RBMS3: variants seen among roughly 807,000 people sequenced by gnomAD.
RBMS3 encodes RNA-binding motif, single-stranded-interacting protein 3.
In RBMS3, 27 loss-of-function variants were observed where a neutral mutation model predicts 66.8. The ratio of observed to expected loss-of-function variants is 0.40; its 90% confidence interval spans 0.30 to 0.56. The LOEUF (loss-of-function observed/expected upper bound fraction) is 0.56, where lower values mean the gene tolerates loss of function less well. RBMS3 is among the 20% of genes least tolerant of loss of function. RBMS3 has a pLI of 0.40. For synonymous variants in RBMS3, 188 were observed against 183.0 expected, an observed-to-expected ratio of 1.03 and a Z score of -0.22; for missense variants, 513 against 549.5, an observed-to-expected ratio of 0.93 and a Z score of 0.66.
chr3:29,748,288 T>C (rs1371838), intron 5 of RBMS3, among the ~76,000 whole-genome samples: 72,184 of 151,966 alleles, frequency 0.48, 18,306 homozygotes, highest in African/African-American at 0.65. Context: ...TGTGAAACAT[T>C]GAGTAAGGGA....
intron 5 of RBMS3, among the ~76,000 whole-genome samples, chr3:29,749,497 C>A (rs1458264079): frequency 1.3e-5 from 2 of 152,136 alleles, no homozygotes; most frequent in African/African-American, 4.8e-5. Flanking sequence ...AGAACTTTTT[C>A]ATAAGGAATC....
At chr3:29,489,079 T>C (rs1440312886) in intron 3 of RBMS3, among the ~76,000 whole-genome samples, 1 of 152,198 alleles carries the variant, frequency 6.6e-6, no homozygotes, top group Non-Finnish European at 1.5e-5. Flanking sequence ...CCTATATTCT[T>C]TTAAAATTTG....
At chr3:29,735,021 T>A (rs1164126311) in intron 4 of RBMS3, among the ~76,000 whole-genome samples, 1 of 152,160 alleles carries the variant, frequency 6.6e-6, no homozygotes, top group African/African-American at 2.4e-5. Flanking sequence ...CAAATGTGAA[T>A]GTTAGCAGAT....
rs368382303 is a variant in RBMS3 at position 29,828,977 on chromosome 3, ACTTTCTTTCTTTCTTTCTTTCTTT to A, written c.638-39832_638-39809del. ...GCATCCAGCCTGCTGTTAGCGAGTG[ACTTTCTTTCTTTCTTTCTTTCTTT>A]CTTTCTTTCTTTCTTTCTTTCTTTC... On this transcript the variant is annotated intron_variant, in intron 6 of 14. Transcript: ENST00000383767. Among the ~76,000 whole-genome samples, 192 of 98,698 alleles carry A rather than the reference ACTTTCTTTCTTTCTTTCTTTCTTT, an allele frequency of 1.9e-3. 1 individual carries two copies. Among genetic ancestry groups the A allele is most frequent in the African/African-American group, 5.2e-3 (133 of 25,540 alleles). The allele number at this position is 98,698 out of a possible 152,430, so 64.7% of individuals were successfully genotyped here. A position where few individuals can be genotyped will look rare whatever the true frequency, so the allele number is the denominator to read the frequency against.
At chr3:29,946,667 T>C (rs529138332) in intron 12 of RBMS3, among the ~76,000 whole-genome samples, 1 of 151,726 alleles carries the variant, frequency 6.6e-6, no homozygotes, top group South Asian at 2.1e-4. Flanking sequence ...ACAAATACTG[T>C]TTGGTTTTCT....
intron 14 of RBMS3, among the ~76,000 whole-genome samples, chr3:29,992,277 T>C (rs1698930245): frequency 6.6e-6 from 1 of 151,926 alleles, no homozygotes; most frequent in Admixed American, 6.5e-5. Context: ...GTAATTGCGG[T>C]TTTTGCCATT....
chr3:29,520,373 G>T lies in RBMS3; in HGVS notation c.307+31874G>T, dbSNP rs1013317159. Among the ~76,000 whole-genome samples, 5 of 152,156 alleles carry T rather than the reference G, an allele frequency of 3.3e-5. No individual in the cohort carries two copies. The East Asian group carries it at 9.6e-4, about 29-fold the overall frequency. On this transcript the variant is annotated intron_variant, in intron 3 of 14. Coordinates refer to ENST00000383767, the MANE Select transcript of RBMS3 (RefSeq NM_001003793.3). ...GTTCCTTTTACTTTCTAAAAATTCG[G>T]ATACTAGAAAATTTGAAATATTTGG...
chr3:29,698,070 A>G (rs2052362736), intron 4 of RBMS3: 1 of 358,152 alleles, frequency 2.8e-6, no homozygotes. Context: ...AAAGCAACAC[A>G]AAAATCTTCA....
chr3:29,357,740 T>A (rs2037311363), intron 1 of RBMS3, among the ~76,000 whole-genome samples: 1 of 152,168 alleles, frequency 6.6e-6, no homozygotes, highest in South Asian at 2.1e-4. Context: ...TGATCACCAT[T>A]CTAATTGATG....
intron 2 of RBMS3, among the ~76,000 whole-genome samples, chr3:29,459,652 C>T (rs2042306148): frequency 6.6e-6 from 1 of 152,116 alleles, no homozygotes; most frequent in Non-Finnish European, 1.5e-5. Context: ...GAGTAAAGGC[C>T]CAGCCCATGA....
chr3:29,722,379 C>T (rs969154547), intron 4 of RBMS3, among the ~76,000 whole-genome samples: 5 of 151,928 alleles, frequency 3.3e-5, no homozygotes, highest in South Asian at 2.1e-4. Context: ...ATGATGCCCT[C>T]GTATCCATAA....
intron 2 of RBMS3, among the ~76,000 whole-genome samples, chr3:29,468,370 A>C (rs2042609771): frequency 6.6e-6 from 1 of 152,108 alleles, no homozygotes; most frequent in Non-Finnish European, 1.5e-5. Flanking sequence ...CACAATACCC[A>C]TATGTACCTC....
chr3:30,002,634 T>C (rs1302522081), intron 14 of RBMS3, among the ~76,000 whole-genome samples: 1 of 152,100 alleles, frequency 6.6e-6, no homozygotes, highest in Non-Finnish European at 1.5e-5. Context: ...CACAGTAATA[T>C]ATTTTTAGGG....
intron 4 of RBMS3, among the ~76,000 whole-genome samples, chr3:29,726,837 C>G (rs528461685): frequency 6.6e-6 from 1 of 152,230 alleles, no homozygotes; most frequent in African/African-American, 2.4e-5. Context: ...CTACGATTGA[C>G]TTTCTTTGCA....
intron 4 of RBMS3, among the ~76,000 whole-genome samples, chr3:29,661,229 T>C (rs1461661888): frequency 6.6e-6 from 1 of 152,210 alleles, no homozygotes; most frequent in Non-Finnish European, 1.5e-5. Context: ...AGACAGATTC[T>C]ACCTGTGCAA....
At chr3:29,376,731 C>T (rs2038490387) in intron 1 of RBMS3, among the ~76,000 whole-genome samples, 1 of 152,116 alleles carries the variant, frequency 6.6e-6, no homozygotes, top group Admixed American at 6.5e-5. Context: ...TATGGTGAAA[C>T]CCCATCTCTA....
intron 14 of RBMS3, among the ~76,000 whole-genome samples, chr3:29,994,177 C>T (rs1303960522): frequency 6.6e-6 from 1 of 152,190 alleles, no homozygotes; most frequent in Admixed American, 6.5e-5. Context: ...CGGACGGCAC[C>T]TGGAAAATCG....
chr3:29,738,071 T>C (rs1161536108), intron 4 of RBMS3, among the ~76,000 whole-genome samples: 4 of 152,154 alleles, frequency 2.6e-5, no homozygotes, highest in African/African-American at 7.2e-5. Context: ...TCATATTCAC[T>C]CCAAGTTTTA....
At chr3:29,284,364 T>A (rs2032092408) in intron 1 of RBMS3, among the ~76,000 whole-genome samples, 1 of 152,116 alleles carries the variant, frequency 6.6e-6, no homozygotes, top group Non-Finnish European at 1.5e-5. Flanking sequence ...TATCATTAGT[T>A]TTTTGGGGAA....
Sources: gnomAD v4.1 joint callset for allele counts (sites outside exome capture counted in the v4.1 genomes callset) on GRCh38, gnomAD v4.1.1 for gene constraint, MANE v1.5 for transcripts, NCBI Gene and HGNC (gene_info 2026-07-23, HGNC 2026-07-21) for gene names.